B3GNT5: variants seen among roughly 807,000 people sequenced by gnomAD.
B3GNT5 encodes UDP-GlcNAc:betaGal beta-1,3-N-acetylglucosaminyltransferase 5.
Under a neutral mutation model 25.9 loss-of-function variants are expected in B3GNT5, and 11 were observed. That is an observed-to-expected ratio of 0.42 (90% CI 0.27 to 0.70). The LOEUF is 0.70. B3GNT5 is among the 30% of genes least tolerant of loss of function. The pLI is 0.23. For synonymous variants in B3GNT5, 166 were observed against 158.6 expected (o/e 1.05, Z -0.35); for missense variants, 385 against 458.4 (o/e 0.84, Z 1.46).
rs1726296403 is a variant in B3GNT5 at position 183,267,700 on chromosome 3, TTA to T, written c.-301-1797_-301-1796del. Among the ~76,000 whole-genome samples, 1 of 152,186 alleles carries T rather than the reference TTA, an allele frequency of 6.6e-6. No homozygotes were observed. Among genetic ancestry groups the T allele is most frequent in the African/African-American group, 2.4e-5 (1 of 41,458 alleles). On this transcript the variant is annotated intron_variant, in intron 1 of 1. Coordinates refer to ENST00000326505, the MANE Select transcript of B3GNT5 (RefSeq NM_032047.5). The surrounding 1 kb of genome is among the most constrained non-coding windows in gnomAD (Gnocchi z 5.5). ...CTACCTTTCCATCCAAGGAAGTGTT[TTA>T]CCTGTGGTAAGCACGGGGGACAGAA...
intron 1 of B3GNT5, among the ~76,000 whole-genome samples, chr3:183,268,775 G>C (rs548394561): frequency 4.6e-5 from 7 of 152,180 alleles, no homozygotes; most frequent in Admixed American, 3.3e-4. Context: ...ACAAGAAACC[G>C]TAAGTGGCTA....
rs201785496 is a variant in B3GNT5, at chr3:183,270,039, G to A, written c.241G>A (p.Glu81Lys). Residue 81 changes from glutamate to lysine, a missense_variant, in exon 2 of 2, where the codon GAA becomes AAA. By Grantham distance (56) the Glu-to-Lys change is moderately conservative. Transcript: ENST00000326505. The surrounding 1 kb of genome is among the most constrained non-coding windows in gnomAD (Gnocchi z 4.5). ...CTACCAATACTTGATTAACCACAAGGAAAAGTGTCAAGCTCAAGACGTCCT... is the reference window on the plus strand; with the variant it reads ...CTACCAATACTTGATTAACCACAAGAAAAAGTGTCAAGCTCAAGACGTCCT... The part of the protein sequence containing the change: ...PRYQYLINHK[E>K]KCQAQDVLLL... 3.7e-6 allele frequency: 6 copies of A among 1,614,140 alleles called. No homozygotes were observed. Among genetic ancestry groups the A allele is most frequent in the East Asian group, 4.5e-5 (2 of 44,872 alleles).
chr3:183,257,479 T>C (rs1459968296), intron 1 of B3GNT5, among the ~76,000 whole-genome samples: 3 of 152,236 alleles, frequency 2.0e-5, no homozygotes, highest in East Asian at 1.9e-4. Context: ...TAGTTAAATA[T>C]ACGTATTAAC....
In B3GNT5 at chr3:183,267,534, G is replaced by A. The variant is rs918465028; in HGVS notation, c.-301-1964G>A. The stretch of plus-strand genomic sequence containing the variant: ...TTTTCTATCAGGGGTCAACCGGCGG[G>A]GGGACTTGAGAACAGATCTCTGGGC... On this transcript the variant is annotated intron_variant, in intron 1 of 1. Transcript: ENST00000326505. The surrounding 1 kb of genome is among the most constrained non-coding windows in gnomAD (Gnocchi z 5.5). Among the ~76,000 whole-genome samples the A allele has an allele frequency of 2.0e-5, 3 of 152,340 alleles. No individual in the cohort carries two copies. The East Asian group carries it at 5.8e-4, about 29-fold the overall frequency.
At position 183,270,564 on chromosome 3, in the gene B3GNT5, G is replaced by A. The variant is rs1726668213; in HGVS notation, c.766G>A (p.Ala256Thr). The A allele has an allele frequency of 2.5e-6, 4 of 1,614,202 alleles. No individual in the cohort carries two copies. Among genetic ancestry groups the A allele is most frequent in the Non-Finnish European group, 3.4e-6 (4 of 1,180,028 alleles). ...AGCTTACCCTGACTACACAGCCGGA[G>A]CTGCCTATGTAATCTCCGGTGATGT... Reference protein sequence around the residue: ...WPAYPDYTAGAAYVISGDVAA... With the variant: ...WPAYPDYTAGTAYVISGDVAA... Residue 256 changes from alanine to threonine, a missense_variant, in exon 2 of 2, where the codon GCT (alanine) becomes ACT (threonine). Ala to Thr is a moderately conservative substitution (Grantham distance 58). Coordinates refer to ENST00000326505, the MANE Select transcript of B3GNT5 (RefSeq NM_032047.5). This position sits in a 1 kb window ranked among gnomAD's most constrained non-coding sequence, Gnocchi z 4.5.
At chr3:183,260,743 G>A (rs1412856675) in intron 1 of B3GNT5, among the ~76,000 whole-genome samples, 3 of 152,196 alleles carry the variant, frequency 2.0e-5, no homozygotes, top group Non-Finnish European at 4.4e-5. Flanking sequence ...TTACATAGGT[G>A]GAGATCTTGT....
At chr3:183,265,666 T>C (rs1209841515) in intron 1 of B3GNT5, 2 of 152,300 alleles carry the variant, frequency 1.3e-5, no homozygotes, top group Non-Finnish European at 2.9e-5. Context: ...ATGTTCAATT[T>C]GGAGGAATTC....
chr3:183,270,473 T>C lies in B3GNT5; in HGVS notation c.675T>C (p.Arg225=), dbSNP rs1726657079. 1.9e-6 allele frequency: 3 copies of C among 1,614,100 alleles called. No individual in the cohort carries two copies. The highest frequency in any genetic ancestry group is 2.2e-5 in the South Asian group (2 of 91,094). The stretch of plus-strand genomic sequence containing the variant: ...ACTTTTGGATTGGTCGTGTTCATCG[T>C]GGTGCCCCTCCCATTAGAGATAAAA... ...VQDFWIGRVH[R]GAPPIRDKSS... is the part of the protein sequence containing the mutation. The change falls in exon 2 of 2, where the codon CGT becomes CGC. Residue 225 remains arginine (R), a synonymous_variant. Transcript: ENST00000326505. This position sits in a 1 kb window ranked among gnomAD's most constrained non-coding sequence, Gnocchi z 4.5.
Position 183,269,639 on chromosome 3 carries a change from G to A in B3GNT5, c.-160G>A, listed in dbSNP as rs1726547348. 2 of 639,756 alleles carry A rather than the reference G, an allele frequency of 3.1e-6. No homozygotes were observed. The highest frequency in any genetic ancestry group is 5.1e-6 in the Non-Finnish European group (2 of 391,220). The allele number at this position is 639,756 out of a possible 1,614,324, so 39.6% of individuals were successfully genotyped here. A position where few individuals can be genotyped will look rare whatever the true frequency, so the allele number is the denominator to read the frequency against. ...TTCTTCCGCAATCTCAGAAAAATGG[G>A]ACTAAAAGAAACTATTTTGTAAAAT... On this transcript the variant is annotated 5_prime_UTR_variant, in exon 2 of 2. Coordinates refer to ENST00000326505, the MANE Select transcript of B3GNT5 (RefSeq NM_032047.5).
intron 1 of B3GNT5, among the ~76,000 whole-genome samples, chr3:183,256,468 G>A (rs1341209517): frequency 6.6e-6 from 1 of 152,130 alleles, no homozygotes; most frequent in South Asian, 2.1e-4. Context: ...CGATTTTTTA[G>A]AAACATTTTA....
Position 183,270,205 on chromosome 3 carries a change from C to A in B3GNT5, c.407C>A (p.Pro136Gln). Residue 136 changes from proline to glutamine, a missense_variant, in exon 2 of 2, where the codon CCA (proline) becomes CAA (glutamine). Physicochemically the swap from Pro to Gln is moderately conservative, Grantham distance 76. Coordinates refer to ENST00000326505, the MANE Select transcript of B3GNT5 (RefSeq NM_032047.5). The surrounding 1 kb of genome is among the most constrained non-coding windows in gnomAD (Gnocchi z 4.5). ...CTGTTTGCCTTAGGAACTCCTAATC[C>A]ACTGGAGGGAGAAGAACTACAAAGA... ...KTLFALGTPN[P>Q]LEGEELQRKL... 1.2e-6 allele frequency: 2 copies of A among 1,614,122 alleles called. No individual in the cohort carries two copies. Among genetic ancestry groups the A allele is most frequent in the Non-Finnish European group, 1.7e-6 (2 of 1,180,020 alleles).
intron 1 of B3GNT5, among the ~76,000 whole-genome samples, chr3:183,259,787 A>G (rs2108413401): frequency 6.6e-6 from 1 of 152,224 alleles, no homozygotes; most frequent in East Asian, 1.9e-4. Context: ...ACTACACCCA[A>G]AGGACACAGA....
chr3:183,256,707 T>G (rs988080206), intron 1 of B3GNT5, among the ~76,000 whole-genome samples: 3 of 152,228 alleles, frequency 2.0e-5, no homozygotes, highest in Admixed American at 2.0e-4. Flanking sequence ...TATAACTTTT[T>G]CATAGTGCTC....
At position 183,273,349 on chromosome 3, in the gene B3GNT5, A is replaced by C. The variant is rs965824609; in HGVS notation, c.*2414A>C. ...TGGCAAAATAATTAGTGAGTTTAAAAAAAATCTATAGTTTCCAATAAACAA... is the reference window on the plus strand; with the variant it reads ...TGGCAAAATAATTAGTGAGTTTAAACAAAATCTATAGTTTCCAATAAACAA... On this transcript the variant is annotated 3_prime_UTR_variant, in exon 2 of 2. Coordinates refer to ENST00000326505, the MANE Select transcript of B3GNT5 (RefSeq NM_032047.5). The C allele has an allele frequency of 4.3e-6, 1 of 230,616 alleles. No homozygotes were observed. Among genetic ancestry groups the C allele is most frequent in the African/African-American group, 2.3e-5 (1 of 44,130 alleles). The allele number at this position is 230,616 out of a possible 1,614,324, so 14.3% of individuals were successfully genotyped here.
intron 1 of B3GNT5, among the ~76,000 whole-genome samples, chr3:183,268,685 A>G (rs1726400311): frequency 6.6e-6 from 1 of 152,152 alleles, no homozygotes; most frequent in Non-Finnish European, 1.5e-5. Flanking sequence ...TTTGTCATGT[A>G]TATTCCCATT....
In B3GNT5 at chr3:183,271,095, A is replaced by G. The variant is rs1346252538; in HGVS notation, c.*160A>G. 1.6e-6 allele frequency: 1 copy of G among 612,566 alleles called. No homozygotes were observed. Among genetic ancestry groups the G allele is most frequent in the Non-Finnish European group, 2.7e-6 (1 of 370,620 alleles). 37.9% of individuals were successfully genotyped at this position (612,566 alleles called of 1,614,324 possible). A position where few individuals can be genotyped will look rare whatever the true frequency, so the allele number is the denominator to read the frequency against. ...TTTCTTTGATTCTAGAAGCTGTTTA[A>G]TATCACTTATCTACTTCATTGCCTA... On this transcript the variant is annotated 3_prime_UTR_variant, in exon 2 of 2. Coordinates refer to ENST00000326505, the MANE Select transcript of B3GNT5 (RefSeq NM_032047.5).
At chr3:183,265,665 T>G (rs1726038636) in intron 1 of B3GNT5, 1 of 152,248 alleles carries the variant, frequency 6.6e-6, no homozygotes, top group Non-Finnish European at 1.5e-5. Context: ...TATGTTCAAT[T>G]TGGAGGAATT....
intron 1 of B3GNT5, among the ~76,000 whole-genome samples, chr3:183,268,316 G>C (rs1265118889): frequency 1.3e-5 from 2 of 152,220 alleles, no homozygotes; most frequent in African/African-American, 4.8e-5. Flanking sequence ...CTCTGAAGGA[G>C]TTAAAAGAGC....
rs1726304297 is a variant in B3GNT5, at chr3:183,267,776, G to A, written c.-301-1722G>A. ...GTCCCAGTGGTGGAGGAAAAGAGAG[G>A]ACCTGGTGTAAGCAGCCATGGCATG... On this transcript the variant is annotated intron_variant, in intron 1 of 1. Coordinates refer to ENST00000326505, the MANE Select transcript of B3GNT5 (RefSeq NM_032047.5). This position sits in a 1 kb window ranked among gnomAD's most constrained non-coding sequence, Gnocchi z 5.5. Among the ~76,000 whole-genome samples the A allele has an allele frequency of 6.6e-6, 1 of 152,194 alleles. No individual in the cohort carries two copies. The highest frequency in any genetic ancestry group is 2.4e-5 in the African/African-American group (1 of 41,428).
Sources: gnomAD v4.1 joint callset for allele counts (sites outside exome capture counted in the v4.1 genomes callset) on GRCh38, gnomAD v4.1.1 for gene constraint, Gnocchi (gnomAD v3.1) non-coding constraint, MANE v1.5 for transcripts, NCBI Gene and HGNC (gene_info 2026-07-23, HGNC 2026-07-21) for gene names.